SYN2: variants seen among roughly 807,000 people sequenced by gnomAD.
SYN2 encodes synapsin-2.
In SYN2, 19 loss-of-function variants were observed where a neutral mutation model predicts 50.9. The observed-to-expected ratio is 0.37, with a 90% confidence interval of 0.26 to 0.55. The LOEUF is 0.55. Ranked by LOEUF, SYN2 falls within the 20% of genes least tolerant of loss-of-function variation. The pLI is 0.81. For synonymous variants in SYN2, 255 were observed against 224.9 expected (o/e 1.13, Z -1.20); for missense variants, 587 against 576.4 (o/e 1.02, Z -0.19).
At chr3:12,111,478 T>A (rs1696315676) in intron 1 of SYN2, among the ~76,000 whole-genome samples, 1 of 152,218 alleles carries the variant, frequency 6.6e-6, no homozygotes, top group South Asian at 2.1e-4. Context: ...TTGTTATTAT[T>A]TTCATCATCA....
chr3:12,186,501 C>A (rs1270018600), intron 11 of SYN2, among the ~76,000 whole-genome samples: 1 of 152,212 alleles, frequency 6.6e-6, no homozygotes, highest in East Asian at 1.9e-4. Flanking sequence ...CCCACAACAT[C>A]CCCAGGGGAG....
intron 1 of SYN2, among the ~76,000 whole-genome samples, chr3:12,030,639 C>G (rs1694362687): frequency 7.1e-6 from 1 of 141,502 alleles, no homozygotes; most frequent in Non-Finnish European, 1.5e-5. Context: ...GTATCCATTT[C>G]TTCTAGATTT....
At chr3:12,159,212 G>A (rs1697566637) in intron 5 of SYN2, 1 of 227,966 alleles carries the variant, frequency 4.4e-6, no homozygotes, top group African/African-American at 2.3e-5. Flanking sequence ...AAAAACTGAG[G>A]GCTGTGATTC....
chr3:12,171,853 A>G (rs1362533780), intron 10 of SYN2, among the ~76,000 whole-genome samples: 4 of 152,206 alleles, frequency 2.6e-5, no homozygotes, highest in African/African-American at 9.6e-5. Flanking sequence ...TATAGAACAA[A>G]ATTTTCTACC....
chr3:12,153,378 G>A (rs1559442556), intron 5 of SYN2: 1 of 1,030,470 alleles, frequency 9.7e-7, no homozygotes, highest in Non-Finnish European at 1.5e-6. Context: ...TGCCTTGACA[G>A]TGGCCAGACT....
intron 1 of SYN2, among the ~76,000 whole-genome samples, chr3:12,106,905 T>C (rs1696204629): frequency 6.6e-6 from 1 of 152,152 alleles, no homozygotes; most frequent in African/African-American, 2.4e-5. Context: ...ATTTTGCGAA[T>C]TGCTGATTTA....
intron 5 of SYN2, chr3:12,157,309 C>G: frequency 7.1e-7 from 1 of 1,414,680 alleles, no homozygotes; most frequent in East Asian, 2.3e-5. Context: ...CTGAAAGCTA[C>G]CAGCCCTCCC....
chr3:12,150,141 T>C (rs1574968632), intron 4 of SYN2, among the ~76,000 whole-genome samples: 2 of 152,232 alleles, frequency 1.3e-5, no homozygotes, highest in Non-Finnish European at 2.9e-5. Flanking sequence ...AAAAATGTTC[T>C]AGCCTTCCTT....
intron 1 of SYN2, among the ~76,000 whole-genome samples, chr3:12,116,918 T>G (rs1243036345): frequency 6.6e-6 from 1 of 152,012 alleles, no homozygotes; most frequent in Non-Finnish European, 1.5e-5. Flanking sequence ...CCCAGCTAAT[T>G]TTTTATTTTT....
intron 8 of SYN2, among the ~76,000 whole-genome samples, chr3:12,168,163 G>A (rs778190041): frequency 6.6e-6 from 1 of 152,180 alleles, no homozygotes; most frequent in Non-Finnish European, 1.5e-5. Flanking sequence ...GATATGGTGA[G>A]AACTGCTTTG....
At position 12,162,133 on chromosome 3, in the gene SYN2, G is replaced by C. The variant is rs771281879; in HGVS notation, c.959G>C (p.Gly320Ala). ...SKYDIRVQKI[G>A]NNYKAYMRTS... ...TATGACATCCGGGTCCAGAAGATTG[G>C]CAACAACTACAAGGCTTACATGTGA... The change falls in exon 7 of 13, where the codon GGC becomes GCC. Residue 320 changes from glycine to alanine, a missense_variant. Gly to Ala is a moderately conservative substitution (Grantham distance 60, BLOSUM62 0). Transcript: ENST00000621198. 1.9e-6 allele frequency: 3 copies of C among 1,614,094 alleles called. No homozygotes were observed. The South Asian group carries it at 3.3e-5, about 18-fold the overall frequency.
chr3:12,010,783 A>G (rs933785263), intron 1 of SYN2, among the ~76,000 whole-genome samples: 1 of 152,262 alleles, frequency 6.6e-6, no homozygotes, highest in Non-Finnish European at 1.5e-5. Flanking sequence ...ACATACGTCA[A>G]TAAATGACTA....
intron 10 of SYN2, among the ~76,000 whole-genome samples, chr3:12,181,674 G>T (rs1308417794): frequency 2.0e-5 from 3 of 152,158 alleles, no homozygotes; most frequent in Non-Finnish European, 4.4e-5. Flanking sequence ...CTAGAAAAAA[G>T]GTTTAGGAGG....
chr3:12,081,848 A>G (rs1000525073), intron 1 of SYN2, among the ~76,000 whole-genome samples: 1 of 151,996 alleles, frequency 6.6e-6, no homozygotes, highest in African/African-American at 2.4e-5. Context: ...CTCAAGTATT[A>G]TTTCCTCTGG....
intron 7 of SYN2, among the ~76,000 whole-genome samples, chr3:12,164,984 C>CTTTTTTTTTTTT (rs68043865): frequency 5.2e-4 from 48 of 92,254 alleles, no homozygotes; most frequent in Admixed American, 7.1e-4. Context: ...TTTTTCTTTT[C>CTTTTTTTTTTTT]TTTTTTTTTT....
chr3:12,137,942 T>A (rs1696933098), intron 1 of SYN2, among the ~76,000 whole-genome samples: 1 of 152,192 alleles, frequency 6.6e-6, no homozygotes, highest in Non-Finnish European at 1.5e-5. Flanking sequence ...ATACTATTTT[T>A]AAAAAATTTA....
chr3:12,187,452 C>CCTTCCTCCT lies in SYN2; in HGVS notation c.1467_1475dup (p.Ser494_Ser496dup), dbSNP rs753095112. On this transcript the variant is annotated inframe_insertion, in exon 12 of 13. Coordinates refer to ENST00000621198, the MANE Select transcript of SYN2 (RefSeq NM_133625.6). ...GCTCCCCCCTGGACCATCACTGCCA[C>CCTTCCTCCT]CTTCCTCCTCTTCCTCCTCTTCTTC... is the stretch of plus-strand genomic sequence containing the variant. The CCTTCCTCCT allele has an allele frequency of 6.4e-7, 1 of 1,553,470 alleles. No homozygotes were observed. The highest frequency in any genetic ancestry group is 8.7e-7 in the Non-Finnish European group (1 of 1,147,702).
In SYN2 at chr3:12,162,116, C is replaced by G. The variant is rs1194100310; in HGVS notation, c.942C>G (p.Ile314Met). 3 of 1,614,098 alleles carry G rather than the reference C, an allele frequency of 1.9e-6. No individual in the cohort carries two copies. Among genetic ancestry groups the G allele is most frequent in the Non-Finnish European group, 2.5e-6 (3 of 1,180,000 alleles). Residue 314 changes from isoleucine (I) to methionine (M), a missense_variant, in exon 7 of 13, where the codon ATC (isoleucine) becomes ATG (methionine). Ile to Met is a conservative substitution (Grantham distance 10). Coordinates refer to ENST00000621198, the MANE Select transcript of SYN2 (RefSeq NM_133625.6). ...AEPFIDSKYDIRVQKIGNNYK... is the reference protein window; with the variant it reads ...AEPFIDSKYDMRVQKIGNNYK... ...CTTTCATTGACTCCAAGTATGACAT[C>G]CGGGTCCAGAAGATTGGCAACAACT...
intron 1 of SYN2, among the ~76,000 whole-genome samples, chr3:12,056,225 G>A (rs945629591): frequency 2.7e-5 from 4 of 150,844 alleles, no homozygotes; most frequent in East Asian, 2.0e-4. Flanking sequence ...ATATACACTT[G>A]AATACAAGCA....
Sources: gnomAD v4.1 joint callset for allele counts (sites outside exome capture counted in the v4.1 genomes callset) on GRCh38, gnomAD v4.1.1 for gene constraint, MANE v1.5 for transcripts, NCBI Gene and HGNC (gene_info 2026-07-23, HGNC 2026-07-21) for gene names.